FBXO6: variants seen among roughly 807,000 people sequenced by gnomAD.
FBXO6 encodes the protein F-box protein 6.
In FBXO6, 13 loss-of-function variants were observed where a neutral mutation model predicts 25.0. The observed-to-expected ratio is 0.52, with a 90% confidence interval of 0.34 to 0.83. The LOEUF (loss-of-function observed/expected upper bound fraction) is 0.83. Among genes scored for constraint, FBXO6 ranks in the 40% least tolerant of loss-of-function variants. The pLI, the probability that FBXO6 is intolerant of heterozygous loss-of-function variation, is 0.02. For missense variants in FBXO6, 370 were observed against 380.2 expected, an observed-to-expected ratio of 0.97 and a Z score of 0.22; for synonymous variants, 138 against 155.3, an observed-to-expected ratio of 0.89 and a Z score of 0.83.
chr1:11,669,663 C>CATGTAT (rs1640552841), intron 2 of FBXO6, among the ~76,000 whole-genome samples: 1 of 124,624 alleles, frequency 8.0e-6, no homozygotes, highest in African/African-American at 3.4e-5. Flanking sequence ...TACATATACA[C>CATGTAT]ATGTATATAT....
intron 1 of FBXO6, among the ~76,000 whole-genome samples, chr1:11,665,568 T>TTTTTTTTC (rs1640406569): frequency 1.0e-5 from 1 of 98,230 alleles, no homozygotes; most frequent in Non-Finnish European, 1.9e-5. Flanking sequence ...TTTTTTTTTT[T>TTTTTTTTC]TTTTTTTTTT....
chr1:11,671,452 G>C, intron 3 of FBXO6, 60 bp downstream of exon 3: 2 of 1,582,728 alleles, frequency 1.3e-6, no homozygotes, highest in African/African-American at 2.7e-5. Context: ...GGACACCTTT[G>C]CCAAGTCTCA....
At chr1:11,671,530 A>G (rs1232855589) in intron 3 of FBXO6, 138 bp downstream of exon 3, 4 of 1,206,240 alleles carry the variant, frequency 3.3e-6, no homozygotes, top group Non-Finnish European at 4.6e-6. Flanking sequence ...ACTTGCCCAG[A>G]GTCACTGCTT....
At chr1:11,667,296 G>A (rs1327248750) in intron 1 of FBXO6, among the ~76,000 whole-genome samples, 1 of 152,158 alleles carries the variant, frequency 6.6e-6, no homozygotes, top group Non-Finnish European at 1.5e-5. Flanking sequence ...CCACCTACCT[G>A]GGGCAAGTAC....
rs1640530744 is a variant in FBXO6, at chr1:11,669,027, C to T, written c.286+83C>T. On this transcript the variant is annotated intron_variant, in intron 2 of 5. Transcript: ENST00000376753. ...CTTGGCACTTGCAATTCCCACACTA[C>T]CTGGAATATTCTCTAACCCTAAACA... 5 of 1,517,006 alleles carry T rather than the reference C, an allele frequency of 3.3e-6. No individual in the cohort carries two copies. The South Asian group carries it at 6.2e-5, about 19-fold the overall frequency. 94.0% of individuals were successfully genotyped at this position (1,517,006 alleles called of 1,614,324 possible).
intron 1 of FBXO6, among the ~76,000 whole-genome samples, chr1:11,665,993 T>G (rs1429151744): frequency 8.3e-6 from 1 of 120,116 alleles, no homozygotes; most frequent in Non-Finnish European, 1.7e-5. Flanking sequence ...CCACATTGGG[T>G]TTTTTTGTTA....
At chr1:11,669,084 TTCAGGTC>T in intron 2 of FBXO6, 140 bp downstream of exon 2, 2 of 1,195,802 alleles carry the variant, frequency 1.7e-6, no homozygotes, top group Non-Finnish European at 2.3e-6. Context: ...CTTCTCATTC[TTCAGGTC>T]TCAGTTCAGA....
At chr1:11,668,401 G>GGTT (rs532370240) in intron 1 of FBXO6, among the ~76,000 whole-genome samples, 3 of 142,640 alleles carry the variant, frequency 2.1e-5, no homozygotes, top group African/African-American at 7.7e-5. Flanking sequence ...TCTTTTGTGG[G>GGTT]TTTTTTTTTT....
At chr1:11,665,612 G>A (rs2100683312) in intron 1 of FBXO6, among the ~76,000 whole-genome samples, 1 of 121,992 alleles carries the variant, frequency 8.2e-6, no homozygotes, top group South Asian at 2.8e-4. Context: ...CCAGGCTGGA[G>A]TGCAGTGGCA....
Position 11,671,301 on chromosome 1 carries a change from G to A in FBXO6, c.322G>A (p.Gly108Arg), listed in dbSNP as rs1640609282. The change falls in exon 3 of 6, where the codon GGG becomes AGG. Residue 108 changes from glycine (G) to arginine (R), a missense_variant. Physicochemically the swap from Gly to Arg is moderately radical, Grantham distance 125. Coordinates refer to ENST00000376753, the MANE Select transcript of FBXO6 (RefSeq NM_018438.6). ...TGCATGGCAAATTGATTTCAATGGT[G>A]GGGACCGCTGGAAGGTGGAGAGCCT... ...MFAWQIDFNG[G>R]DRWKVESLPG... The A allele has an allele frequency of 5.0e-6, 8 of 1,613,998 alleles. No individual in the cohort carries two copies. The highest frequency in any genetic ancestry group is 2.2e-5 in the East Asian group (1 of 44,884).
chr1:11,671,197 G>C, intron 2 of FBXO6, 69 bp from the exon 3 acceptor site: 1 of 1,581,234 alleles, frequency 6.3e-7, no homozygotes, highest in Admixed American at 1.7e-5. Flanking sequence ...CGCCCTCCTG[G>C]GACTAAGTGG....
chr1:11,669,482 AT>A (rs1408718799), intron 2 of FBXO6, among the ~76,000 whole-genome samples: 3 of 148,974 alleles, frequency 2.0e-5, no homozygotes, highest in East Asian at 4.0e-4. Flanking sequence ...AAAAAAAAAA[AT>A]TTTTTTTTCA....
chr1:11,672,061 A>G, intron 4 of FBXO6, 38 bp downstream of exon 4: 2 of 1,547,480 alleles, frequency 1.3e-6, no homozygotes, highest in Non-Finnish European at 1.8e-6. Context: ...CACACTCTAC[A>G]TGCTCCTCTT....
In FBXO6 at chr1:11,668,688, G is replaced by A. The variant is rs1288864699; in HGVS notation, c.30G>A (p.Leu10=). 5.1e-5 allele frequency: 82 copies of A among 1,613,724 alleles called. No individual in the cohort carries two copies. Among genetic ancestry groups the A allele is most frequent in the Middle Eastern group, 1.6e-4 (1 of 6,080 alleles). The change falls in exon 2 of 6, where the codon CTG becomes CTA. Residue 10 remains leucine (L), a synonymous_variant. Transcript: ENST00000376753. MDAPHSKAA[L]DSINELPENI... ...ATGCTCCCCACTCCAAAGCAGCCCT[G>A]GACAGCATTAACGAGCTGCCCGAGA...
intron 1 of FBXO6, among the ~76,000 whole-genome samples, chr1:11,665,554 CTTTTTTTTT>C (rs70983579): frequency 1.1e-4 from 4 of 37,848 alleles, no homozygotes; most frequent in African/African-American, 1.5e-4. Context: ...CGCGCCCGGC[CTTTTTTTTT>C]TTTTTTTTTT....
intron 4 of FBXO6, among the ~76,000 whole-genome samples, chr1:11,672,354 T>C (rs1640641728): frequency 6.6e-6 from 1 of 152,102 alleles, no homozygotes; most frequent in Non-Finnish European, 1.5e-5. Context: ...TGGCGTGATC[T>C]TGGCTCACTG....
chr1:11,664,528 G>GC (rs1359801933), intron 1 of FBXO6: 2 of 151,546 alleles, frequency 1.3e-5, no homozygotes, highest in Non-Finnish European at 2.9e-5. Context: ...GCCAGGGGTG[G>GC]GGGGCGCGGG....
chr1:11,664,756 G>A (rs1025185526), intron 1 of FBXO6: 1 of 152,286 alleles, frequency 6.6e-6, no homozygotes, highest in Admixed American at 6.5e-5. Context: ...AATGCCACTA[G>A]AGCTTGCTGG....
At chr1:11,667,224 C>A (rs1640465771) in intron 1 of FBXO6, among the ~76,000 whole-genome samples, 1 of 152,050 alleles carries the variant, frequency 6.6e-6, no homozygotes, top group Admixed American at 6.6e-5. Flanking sequence ...ATTCTCTCCT[C>A]ATGTGTAAGC....
Sources: gnomAD v4.1 joint callset for allele counts (sites outside exome capture counted in the v4.1 genomes callset) on GRCh38, gnomAD v4.1.1 for gene constraint, MANE v1.5 for transcripts, NCBI Gene and HGNC (gene_info 2026-07-23, HGNC 2026-07-21) for gene names.